TMC1: variants seen among roughly 807,000 people sequenced by gnomAD.
The protein encoded by TMC1 is transmembrane channel like 1, also known as transmembrane channel-like protein 1.
Under a neutral mutation model 105.8 loss-of-function variants are expected in TMC1, and 84 were observed. The ratio of observed to expected loss-of-function variants is 0.79; its 90% CI spans 0.67 to 0.95. The LOEUF is 0.95. TMC1 is among the 40% of genes least tolerant of loss of function. The pLI is 0.00. For missense variants in TMC1, 817 were observed against 914.1 expected, an observed-to-expected ratio of 0.89 and a Z score of 1.37; for synonymous variants, 315 against 311.5, an observed-to-expected ratio of 1.01 and a Z score of -0.12.
intron 1 of TMC1, among the ~76,000 whole-genome samples, chr9:72,570,538 A>T (rs564971430): frequency 1.3e-5 from 2 of 152,108 alleles, no homozygotes; most frequent in African/African-American, 4.8e-5. Context: ...ATGGGATCTT[A>T]GTATTATTGC....
intron 20 of TMC1, among the ~76,000 whole-genome samples, chr9:72,822,824 G>A (rs931933823): frequency 6.6e-6 from 1 of 152,168 alleles, no homozygotes; most frequent in Non-Finnish European, 1.5e-5. Flanking sequence ...CTAGCTGCCT[G>A]TAAGGGAAAC....
chr9:72,826,137 A>G (rs1828949341), intron 20 of TMC1, among the ~76,000 whole-genome samples: 1 of 152,224 alleles, frequency 6.6e-6, no homozygotes, highest in Non-Finnish European at 1.5e-5. Flanking sequence ...TAGTACAATC[A>G]GTATGCATAT....
At chr9:72,579,356 C>T (rs1057007192) in intron 2 of TMC1, among the ~76,000 whole-genome samples, 4 of 152,156 alleles carry the variant, frequency 2.6e-5, no homozygotes, top group African/African-American at 4.8e-5. Flanking sequence ...GGAAATCTGA[C>T]TCACACTTCT....
Position 72,816,195 on chromosome 9 carries a change from A to T in TMC1, c.1748A>T (p.Asn583Ile). 1.2e-6 allele frequency: 2 copies of T among 1,613,584 alleles called. No individual in the cohort carries two copies. Among genetic ancestry groups the T allele is most frequent in the South Asian group, 1.1e-5 (1 of 91,078 alleles). The part of the protein sequence containing the change: ...ISGNVLALIF[N>I]QGMIWMGSFF... ...GGCAACGTCCTCGCTCTGATCTTCA[A>T]CCAAGGCATGATCTGGTAGGCCAGC... The change falls in exon 19 of 24, where the codon AAC (asparagine) becomes ATC (isoleucine). Residue 583 changes from asparagine to isoleucine, a missense_variant. Physicochemically the swap from Asn to Ile is moderately radical, Grantham distance 149. Transcript: ENST00000297784.
chr9:72,659,584 A>G (rs2132159629), intron 5 of TMC1, among the ~76,000 whole-genome samples: 1 of 152,348 alleles, frequency 6.6e-6, no homozygotes, highest in East Asian at 1.9e-4. Context: ...TGGTGAGTCA[A>G]GATTGCACCA....
intron 3 of TMC1, among the ~76,000 whole-genome samples, chr9:72,617,136 G>A (rs1232119757): frequency 1.3e-5 from 2 of 152,166 alleles, no homozygotes; most frequent in East Asian, 3.9e-4. Flanking sequence ...ATGCAGTCCT[G>A]TATGTGGTCT....
chr9:72,533,420 G>A (rs1046891035), intron 1 of TMC1, among the ~76,000 whole-genome samples: 1 of 152,156 alleles, frequency 6.6e-6, no homozygotes, highest in East Asian at 1.9e-4. Context: ...GTTGCTTTAA[G>A]CAAAGACTAC....
intron 2 of TMC1, among the ~76,000 whole-genome samples, chr9:72,603,162 T>C (rs541473954): frequency 6.6e-6 from 1 of 152,290 alleles, no homozygotes; most frequent in Admixed American, 6.5e-5. Flanking sequence ...TCACTTTGTT[T>C]CAAGTGCTTT....
chr9:72,793,205 C>A (rs1828305572), intron 17 of TMC1, among the ~76,000 whole-genome samples: 1 of 152,130 alleles, frequency 6.6e-6, no homozygotes, highest in Non-Finnish European at 1.5e-5. Context: ...AGTAGCTATA[C>A]CTCTGGCAAA....
At chr9:72,596,539 TAAA>T (rs35140344) in intron 2 of TMC1, among the ~76,000 whole-genome samples, 10,717 of 102,124 alleles carry the variant, frequency 0.1, 430 homozygotes, top group Non-Finnish European at 0.13. Context: ...GTTTCAATTG[TAAA>T]AAAAAAAAAA....
At chr9:72,672,602 T>C (rs1398391026) in intron 5 of TMC1, among the ~76,000 whole-genome samples, 4 of 152,042 alleles carry the variant, frequency 2.6e-5, no homozygotes, top group Non-Finnish European at 4.4e-5. Context: ...TATTTTAAAC[T>C]AATAAAATAT....
rs573697664 is a variant in TMC1 at position 72,659,648 on chromosome 9, AACAG to A, written c.16+10988_16+10991del. Among the ~76,000 whole-genome samples, 755 of 152,336 alleles carry A rather than the reference AACAG, an allele frequency of 5.0e-3. 4 individuals carry two copies. The highest frequency in any genetic ancestry group is 8.2e-3 in the Non-Finnish European group (558 of 68,040). The stretch of plus-strand genomic sequence containing the variant: ...GACCCTGTGTGACCTTGTGTCCAAA[AACAG>A]ACAAACAAACAAATACCATGTGGAG... On this transcript the variant is annotated intron_variant, in intron 5 of 23. Coordinates refer to ENST00000297784, the MANE Select transcript of TMC1 (RefSeq NM_138691.3).
intron 3 of TMC1, among the ~76,000 whole-genome samples, chr9:72,623,752 G>A (rs1403935345): frequency 6.6e-6 from 1 of 152,114 alleles, no homozygotes; most frequent in East Asian, 1.9e-4. Context: ...TCCCAAGCTG[G>A]TGCCGTAACT....
rs947604092 is a variant in TMC1 at position 72,831,584 on chromosome 9, C to G, written c.2260+902C>G. ...GTATATGTCCTAATGCTAGCCCTCCCTGCTCCCCCCACCGCACGACAGGCC... is the reference window on the plus strand; with the variant it reads ...GTATATGTCCTAATGCTAGCCCTCCGTGCTCCCCCCACCGCACGACAGGCC... On this transcript the variant is annotated intron_variant, in intron 23 of 23. Transcript: ENST00000297784. Among the ~76,000 whole-genome samples the G allele has an allele frequency of 4.0e-5, 6 of 150,188 alleles. No individual in the cohort carries two copies. In the South Asian group the frequency reaches 8.3e-4, roughly 21 times the overall value.
At chr9:72,766,015 A>C (rs1827827669) in intron 12 of TMC1, among the ~76,000 whole-genome samples, 1 of 152,196 alleles carries the variant, frequency 6.6e-6, no homozygotes, top group South Asian at 2.1e-4. Flanking sequence ...GACCTATGAG[A>C]TATTAGACAA....
At chr9:72,754,589 C>T (rs1184622714) in intron 11 of TMC1, among the ~76,000 whole-genome samples, 197 bp from the exon 12 acceptor site, 1 of 152,158 alleles carries the variant, frequency 6.6e-6, no homozygotes, top group Middle Eastern at 3.2e-3. Flanking sequence ...ACTTGGAATG[C>T]AGGGTCCTTT....
rs1440283080 is a variant in TMC1, at chr9:72,754,893, C to T, written c.741+9C>T. The T allele has an allele frequency of 6.2e-7, 1 of 1,602,698 alleles. No homozygotes were observed. The highest frequency in any genetic ancestry group is 1.7e-5 in the Admixed American group (1 of 60,000). On this transcript the variant is annotated intron_variant, in intron 12 of 23. Coordinates refer to ENST00000297784, the MANE Select transcript of TMC1 (RefSeq NM_138691.3). ...TGTTGTACGACTTCAATGTAAGTGTCTCCACACAAGTGTATTGGTGGGAGG... is the reference window on the plus strand; with the variant it reads ...TGTTGTACGACTTCAATGTAAGTGTTTCCACACAAGTGTATTGGTGGGAGG...
At chr9:72,634,417 A>G (rs1366439622) in intron 4 of TMC1, among the ~76,000 whole-genome samples, 4 of 152,188 alleles carry the variant, frequency 2.6e-5, no homozygotes, top group African/African-American at 9.7e-5. Flanking sequence ...TCTGGTTATC[A>G]TTTAATTACA....
chr9:72,597,105 CTT>C (rs938847713), intron 2 of TMC1, among the ~76,000 whole-genome samples: 1 of 152,168 alleles, frequency 6.6e-6, no homozygotes, highest in African/African-American at 2.4e-5. Flanking sequence ...ATGTGGGAGA[CTT>C]TTTAGATGAG....
Sources: allele counts gnomAD v4.1 joint callset (sites outside exome capture counted in the v4.1 genomes callset), GRCh38; gene constraint gnomAD v4.1.1; transcripts MANE v1.5; gene names NCBI Gene and HGNC (gene_info 2026-07-23, HGNC 2026-07-21).